The following PXDN variants were observed in gnomAD, a reference collection of about 807,000 sequenced individuals.
PXDN encodes the protein peroxidasin.
In PXDN, 77 loss-of-function variants were observed where a neutral mutation model predicts 140.3. The observed-to-expected ratio is 0.55, with a 90% CI of 0.46 to 0.66. The LOEUF (loss-of-function observed/expected upper bound fraction) is 0.66. Ranked by LOEUF, PXDN falls within the 30% of genes least tolerant of loss-of-function variation. PXDN has a pLI of 0.00. For synonymous variants in PXDN, 911 were observed against 857.4 expected (o/e 1.06, Z -1.09); for missense variants, 1,838 against 2,039.5 (o/e 0.90, Z 1.90).
chr2:1,660,415 A>G lies in PXDN; in HGVS notation c.1837+466T>C, dbSNP rs763806651. Among the ~76,000 whole-genome samples the G allele has an allele frequency of 6.6e-6, 1 of 152,144 alleles. No individual in the cohort carries two copies. Among genetic ancestry groups the G allele is most frequent in the Non-Finnish European group, 1.5e-5 (1 of 68,034 alleles). ...CTGGATCTATGTAAGGCTGCCTACG[A>G]GCACCTAGAGGTTCCCACTGAAAGA... is the stretch of plus-strand genomic sequence containing the variant. On this transcript the variant is annotated intron_variant, in intron 14 of 22. Coordinates refer to ENST00000252804, the MANE Select transcript of PXDN (RefSeq NM_012293.3). The surrounding 1 kb of genome is among the most constrained non-coding windows in gnomAD (Gnocchi z 4.6).
chr2:1,636,570 C>G (rs946349870), intron 21 of PXDN: 8 of 152,072 alleles, frequency 5.3e-5, no homozygotes, highest in Non-Finnish European at 1.2e-4. Flanking sequence ...CAAACAGTTA[C>G]TCACTTTGGG....
chr2:1,657,200 C>T (rs1368039391), intron 14 of PXDN, among the ~76,000 whole-genome samples: 2 of 150,886 alleles, frequency 1.3e-5, no homozygotes, highest in Admixed American at 1.3e-4. Flanking sequence ...CCTCCTGGGA[C>T]CTGCCCCCTC....
chr2:1,663,803 C>T (rs2125425690), intron 11 of PXDN, 40 bp from the exon 12 acceptor site: 1 of 1,596,776 alleles, frequency 6.3e-7, no homozygotes, highest in Non-Finnish European at 8.5e-7. Flanking sequence ...CACTCGGACG[C>T]ATGGAGAACT....
intron 1 of PXDN, among the ~76,000 whole-genome samples, chr2:1,708,650 T>C (rs181650168): frequency 1.3e-5 from 2 of 152,100 alleles, no homozygotes; most frequent in Admixed American, 1.3e-4. Context: ...GAAGAAACAG[T>C]GAGAGCTCCC....
In PXDN at chr2:1,687,196, G is replaced by C. The variant is rs1049499227; in HGVS notation, c.416+436C>G. On this transcript the variant is annotated intron_variant, in intron 4 of 22. Coordinates refer to ENST00000252804, the MANE Select transcript of PXDN (RefSeq NM_012293.3). The surrounding 1 kb of genome is among the most constrained non-coding windows in gnomAD (Gnocchi z 4.0). Reference sequence around the variant, plus strand: ...CACAATTGAAGAAATTCAGCTTCATGTGTTCACAGTCATAAGGAGGAACAG... The same window carrying C: ...CACAATTGAAGAAATTCAGCTTCATCTGTTCACAGTCATAAGGAGGAACAG... 2.0e-5 allele frequency among the ~76,000 whole-genome samples: 3 copies of C among 152,250 alleles called. No individual in the cohort carries two copies. The highest frequency in any genetic ancestry group is 4.8e-5 in the African/African-American group (2 of 41,460).
At chr2:1,643,896 C>A (rs796686867) in intron 18 of PXDN, among the ~76,000 whole-genome samples, 8 of 151,948 alleles carry the variant, frequency 5.3e-5, no homozygotes, top group East Asian at 1.9e-4. Context: ...CACAGTGAAA[C>A]CCCATCTCTA....
chr2:1,689,526 T>TA (rs950806694), intron 3 of PXDN, among the ~76,000 whole-genome samples: 2 of 152,182 alleles, frequency 1.3e-5, no homozygotes, highest in African/African-American at 4.8e-5. Flanking sequence ...CTCATGCCTG[T>TA]AATCTCAGCA....
At chr2:1,662,721 G>C (rs1390214052) in intron 12 of PXDN, among the ~76,000 whole-genome samples, 2 of 152,188 alleles carry the variant, frequency 1.3e-5, no homozygotes, top group South Asian at 4.2e-4. Context: ...GCTAGGTCAG[G>C]GACGCCAAGG....
At chr2:1,737,310 A>G (rs184609785) in intron 1 of PXDN, among the ~76,000 whole-genome samples, 2 of 152,156 alleles carry the variant, frequency 1.3e-5, no homozygotes, top group Non-Finnish European at 2.9e-5. Flanking sequence ...AACATCCTCC[A>G]GAATAAAGAA....
chr2:1,716,681 G>C (rs1049627063), intron 1 of PXDN, among the ~76,000 whole-genome samples: 1 of 152,096 alleles, frequency 6.6e-6, no homozygotes, highest in Non-Finnish European at 1.5e-5. Context: ...GCAATCACGT[G>C]GTGGGGCCCA....
Position 1,648,938 on chromosome 2 carries a change from G to A in PXDN, c.2842C>T (p.Leu948=), listed in dbSNP as rs751881182. 137 of 1,604,558 alleles carry A rather than the reference G, an allele frequency of 8.5e-5. 1 individual carries two copies. Among genetic ancestry groups the A allele is most frequent in the Middle Eastern group, 8.2e-4 (5 of 6,062 alleles). ...GGCGGCCCGGTGGCGAAGGGGAGCA[G>A]CGGCTTCCCGGACCGCTGCACGATG... ...QGIVQRSGKP[L]LPFATGPPTE... Residue 948 remains leucine, a synonymous_variant, in exon 17 of 23, where the codon CTG becomes TTG. Transcript: ENST00000252804. The surrounding 1 kb of genome is among the most constrained non-coding windows in gnomAD (Gnocchi z 8.9).
chr2:1,724,430 T>C (rs1685129641), intron 1 of PXDN, among the ~76,000 whole-genome samples: 1 of 152,166 alleles, frequency 6.6e-6, no homozygotes, highest in Non-Finnish European at 1.5e-5. Flanking sequence ...CAGACTTTCT[T>C]GTGAAACTTG....
intron 1 of PXDN, among the ~76,000 whole-genome samples, chr2:1,727,202 C>G (rs1405761945): frequency 6.6e-6 from 1 of 152,196 alleles, no homozygotes; most frequent in Non-Finnish European, 1.5e-5. Context: ...AGCCCACCCT[C>G]CACCCGGAGA....
At chr2:1,724,104 G>A (rs1685117587) in intron 1 of PXDN, among the ~76,000 whole-genome samples, 1 of 152,208 alleles carries the variant, frequency 6.6e-6, no homozygotes, top group South Asian at 2.1e-4. Flanking sequence ...CTGAAACACA[G>A]ACACTGTCGC....
rs533485815 is a variant in PXDN, at chr2:1,695,360, G to C, written c.201-2226C>G. Among the ~76,000 whole-genome samples the C allele has an allele frequency of 3.9e-5, 5 of 129,082 alleles. No individual in the cohort carries two copies. In the South Asian group the frequency reaches 1.4e-3, roughly 36 times the overall value. 84.7% of individuals were successfully genotyped at this position (129,082 alleles called of 152,430 possible). A position where few individuals can be genotyped will look rare whatever the true frequency, so the allele number is the denominator to read the frequency against. On this transcript the variant is annotated intron_variant, in intron 1 of 22. Transcript: ENST00000252804. ...CCCATCCACAAGTCCCTGTGCCCTG[G>C]GTCTGAGCACCTGAGAGGTGGCCTA...
rs756846388 is a variant in PXDN, at chr2:1,654,419, G to A, written c.1927C>T (p.Arg643Ter). The A allele has an allele frequency of 5.6e-6, 9 of 1,612,796 alleles. 1 individual carries two copies. Among genetic ancestry groups the A allele is most frequent in the East Asian group, 2.2e-5 (1 of 44,876 alleles). ...ATVDRAINST[R>*]THLFDSRPRS... ...CGATACCTGTCAAACAAATGTGTTC[G>A]GGTTGAGTTTATAGCTCTGTCAACA... The change falls in exon 15 of 23, where the codon CGA (arginine) becomes TGA (stop). Residue 643 changes from arginine to a stop codon, truncating the protein, a stop_gained. Transcript: ENST00000252804. LOFTEE classifies it high-confidence loss of function.
chr2:1,657,601 C>T (rs143219587), intron 14 of PXDN, among the ~76,000 whole-genome samples: 264 of 151,574 alleles, frequency 1.7e-3, no homozygotes, highest in Non-Finnish European at 2.9e-3. Context: ...AAGCAGCTCC[C>T]TCCTAACAGG....
intron 1 of PXDN, among the ~76,000 whole-genome samples, chr2:1,707,582 G>C (rs74391038): frequency 1.5e-3 from 236 of 152,328 alleles, no homozygotes; most frequent in African/African-American, 5.3e-3. Context: ...ATTTTTGGAA[G>C]CACGAGGTTG....
intron 4 of PXDN, among the ~76,000 whole-genome samples, chr2:1,686,557 C>T (rs780342635): frequency 9.9e-5 from 15 of 152,120 alleles, no homozygotes; most frequent in African/African-American, 1.4e-4. Context: ...CTGAGTGAAA[C>T]GCTTGTTGGA....
Sources: gnomAD v4.1 joint callset for allele counts (sites outside exome capture counted in the v4.1 genomes callset) on GRCh38, gnomAD v4.1.1 for gene constraint, Gnocchi (gnomAD v3.1) non-coding constraint, MANE v1.5 for transcripts, NCBI Gene and HGNC (gene_info 2026-07-23, HGNC 2026-07-21) for gene names.